Variants in HDX observed in about 807,000 individuals in gnomAD.
HDX encodes chromosome X open reading frame 43.
Under a neutral mutation model 45.2 loss-of-function variants are expected in HDX, and 19 were observed. The observed-to-expected ratio is 0.42, with a 90% CI of 0.29 to 0.62. The LOEUF is 0.62. Among genes scored for constraint, HDX ranks in the 20% least tolerant of loss-of-function variants. HDX has a pLI of 0.20. For missense variants in HDX, 532 were observed against 493.9 expected, an observed-to-expected ratio of 1.08 and a Z score of -0.73; for synonymous variants, 188 against 172.8, an observed-to-expected ratio of 1.09 and a Z score of -0.69.
At chrX:84,351,380 T>TTTTGC (rs1426983453) in intron 6 of HDX, among the ~76,000 whole-genome samples, 16 of 110,964 alleles carry the variant, frequency 1.4e-4, no homozygotes, top group African/African-American at 4.9e-4. Context: ...TTTTGTTTTG[T>TTTTGC]TTTGCTTTGC....
At chrX:84,394,219 A>G (rs1047291467) in intron 5 of HDX, among the ~76,000 whole-genome samples, 1 of 111,427 alleles carries the variant, frequency 9.0e-6, no homozygotes, top group African/African-American at 3.2e-5. Context: ...GGCTCAAGAA[A>G]TTTTTGAATT....
chrX:84,445,291 C>A (rs778894413), intron 4 of HDX, among the ~76,000 whole-genome samples: 2 of 111,469 alleles, frequency 1.8e-5, no homozygotes, highest in Non-Finnish European at 3.8e-5. Context: ...CAAGAAATAA[C>A]CAGACCTCTC....
chrX:84,396,300 G>A (rs759680651), intron 5 of HDX, among the ~76,000 whole-genome samples: 8 of 112,174 alleles, frequency 7.1e-5, no homozygotes, highest in African/African-American at 9.7e-5. Flanking sequence ...TAGAATACTC[G>A]CTGTATGATT....
chrX:84,374,924 C>T (rs1393506853), intron 5 of HDX, among the ~76,000 whole-genome samples: 1 of 103,541 alleles, frequency 9.7e-6, no homozygotes, highest in Non-Finnish European at 2.0e-5. Context: ...AGCTTCTGCA[C>T]AGCAAAAGAA....
intron 4 of HDX, among the ~76,000 whole-genome samples, chrX:84,448,848 AG>A (rs1167288412): frequency 1.8e-5 from 2 of 110,672 alleles, no homozygotes; most frequent in Non-Finnish European, 3.8e-5. Flanking sequence ...TTGATTATAA[AG>A]CAGCTCAGGG....
chrX:84,355,139 C>T (rs933221607), intron 6 of HDX, among the ~76,000 whole-genome samples: 1 of 108,000 alleles, frequency 9.3e-6, no homozygotes, highest in Non-Finnish European at 1.9e-5. Flanking sequence ...AGCCATGCTC[C>T]TTTGAAAATA....
chrX:84,474,804 A>C (rs770785258), intron 3 of HDX, among the ~76,000 whole-genome samples: 1 of 112,254 alleles, frequency 8.9e-6, no homozygotes, highest in African/African-American at 3.2e-5. Flanking sequence ...AACTGCATGC[A>C]TTTTATTTAG....
At chrX:84,425,039 T>C (rs1264024973) in intron 5 of HDX, among the ~76,000 whole-genome samples, 2 of 110,679 alleles carry the variant, frequency 1.8e-5, no homozygotes, top group Non-Finnish European at 3.8e-5. Context: ...ACTCAGAGAA[T>C]GGGAGGAAAT....
chrX:84,372,877 T>C (rs1262569771), intron 5 of HDX, among the ~76,000 whole-genome samples: 1 of 111,392 alleles, frequency 9.0e-6, no homozygotes, highest in Non-Finnish European at 1.9e-5. Context: ...AAAATTATCC[T>C]GCCATCTCCA....
At chrX:84,457,255 A>G (rs751354402) in intron 4 of HDX, among the ~76,000 whole-genome samples, 4 of 111,647 alleles carry the variant, frequency 3.6e-5, no homozygotes, top group Non-Finnish European at 7.5e-5. Context: ...TGGACCACAA[A>G]CTTGGTACAT....
intron 3 of HDX, among the ~76,000 whole-genome samples, chrX:84,470,896 T>C (rs1314886667): frequency 9.0e-6 from 1 of 111,580 alleles, no homozygotes; most frequent in Non-Finnish European, 1.9e-5. Context: ...GGCTCATGCC[T>C]GTAACTCCAG....
At chrX:84,456,401 T>C (rs979172425) in intron 4 of HDX, among the ~76,000 whole-genome samples, 118 of 110,318 alleles carry the variant, frequency 1.1e-3, no homozygotes, top group African/African-American at 3.8e-3. Context: ...ACACACAAAA[T>C]AGAAATGAAA....
chrX:84,488,363 AC>A (rs2040836271), intron 1 of HDX, among the ~76,000 whole-genome samples: 1 of 102,729 alleles, frequency 9.7e-6, no homozygotes, highest in East Asian at 2.9e-4. Context: ...ACACACACAC[AC>A]AACCAGTTTT....
intron 5 of HDX, among the ~76,000 whole-genome samples, chrX:84,416,127 A>T (rs1569328195): frequency 1.8e-5 from 2 of 111,862 alleles, no homozygotes; most frequent in Admixed American, 9.5e-5. Context: ...ATAATAATAG[A>T]ATTACCCTCA....
chrX:84,353,519 A>T (rs1457487427), intron 6 of HDX, among the ~76,000 whole-genome samples: 1 of 111,624 alleles, frequency 9.0e-6, no homozygotes, highest in Admixed American at 9.6e-5. Flanking sequence ...TTGGTCTTTG[A>T]TTCCTCAGCC....
intron 7 of HDX, among the ~76,000 whole-genome samples, chrX:84,338,118 C>T (rs1388978299): frequency 9.0e-6 from 1 of 110,940 alleles, no homozygotes; most frequent in African/African-American, 3.3e-5. Flanking sequence ...TTTTCGAAGT[C>T]TATTCCTTTT....
chrX:84,459,441 CA>C (rs554783816), intron 4 of HDX, among the ~76,000 whole-genome samples: 2,536 of 73,719 alleles, frequency 0.034, 30 homozygotes, highest in African/African-American at 0.073. Flanking sequence ...GACTCGATCT[CA>C]AAAAAAAAAA....
chrX:84,429,542 T>A (rs2039456732), intron 5 of HDX, among the ~76,000 whole-genome samples: 2 of 110,974 alleles, frequency 1.8e-5, no homozygotes, highest in African/African-American at 6.5e-5. Flanking sequence ...ATTTTGTTAA[T>A]CTCACTTATT....
At chrX:84,331,216 A>G in intron 9 of HDX, among the ~76,000 whole-genome samples, 1 of 111,553 alleles carries the variant, frequency 9.0e-6, no homozygotes, top group East Asian at 2.8e-4. Context: ...AATTCCTAAG[A>G]ACATGGATTT....
Sources: allele counts gnomAD v4.1 joint callset (sites outside exome capture counted in the v4.1 genomes callset), GRCh38; gene constraint gnomAD v4.1.1; transcripts MANE v1.5; gene names NCBI Gene and HGNC (gene_info 2026-07-23, HGNC 2026-07-21).